The following STK32B variants were observed in gnomAD, a reference collection of about 807,000 sequenced individuals.
STK32B encodes the protein serine/threonine-protein kinase 32B.
In STK32B, 43 loss-of-function variants were observed where a neutral mutation model predicts 52.6. The ratio of observed to expected loss-of-function variants is 0.82; its 90% CI spans 0.64 to 1.05. STK32B has a LOEUF of 1.05. Ranked by LOEUF, STK32B falls within the 50% of genes least tolerant of loss-of-function variation. STK32B has a pLI of 0.00. For missense variants in STK32B, 621 were observed against 534.6 expected, an observed-to-expected ratio of 1.16 and a Z score of -1.59; for synonymous variants, 238 against 204.3, an observed-to-expected ratio of 1.17 and a Z score of -1.41.
intron 3 of STK32B, among the ~76,000 whole-genome samples, chr4:5,171,412 G>T (rs1719362028): frequency 6.6e-6 from 1 of 151,930 alleles, no homozygotes; most frequent in African/African-American, 2.4e-5. Flanking sequence ...TATTGCCTAG[G>T]TTTTCTTCTA....
At chr4:5,069,310 G>T (rs567660699) in intron 1 of STK32B, among the ~76,000 whole-genome samples, 1 of 151,966 alleles carries the variant, frequency 6.6e-6, no homozygotes, top group East Asian at 1.9e-4. Flanking sequence ...AGGTTCTTGA[G>T]GGAGTTTGAG....
intron 3 of STK32B, among the ~76,000 whole-genome samples, chr4:5,282,482 CTACTG>C (rs1210161639): frequency 6.6e-6 from 1 of 152,144 alleles, no homozygotes; most frequent in Non-Finnish European, 1.5e-5. Flanking sequence ...ATTATACAAT[CTACTG>C]TAATAGAAGT....
At chr4:5,090,931 T>C (rs1025924163) in intron 1 of STK32B, among the ~76,000 whole-genome samples, 5 of 152,200 alleles carry the variant, frequency 3.3e-5, no homozygotes, top group Non-Finnish European at 5.9e-5. Context: ...TAAGGACAAA[T>C]AGAAAATCTA....
At chr4:5,273,708 T>C in intron 3 of STK32B, among the ~76,000 whole-genome samples, 1 of 117,252 alleles carries the variant, frequency 8.5e-6, no homozygotes, top group African/African-American at 3.5e-5. Context: ...TGGATGAAAT[T>C]GGAAATCATC....
chr4:5,443,649 T>C (rs1715017900), intron 6 of STK32B, among the ~76,000 whole-genome samples: 1 of 152,242 alleles, frequency 6.6e-6, no homozygotes, highest in Non-Finnish European at 1.5e-5. Flanking sequence ...GGTGAGGAAC[T>C]GCATTCCTTT....
chr4:5,145,451 A>G (rs551065500), intron 2 of STK32B, among the ~76,000 whole-genome samples: 2 of 152,300 alleles, frequency 1.3e-5, no homozygotes, highest in South Asian at 2.1e-4. Flanking sequence ...ACCTAAACCC[A>G]TACCAAAATA....
At chr4:5,231,118 A>G (rs1280926583) in intron 3 of STK32B, among the ~76,000 whole-genome samples, 1 of 152,196 alleles carries the variant, frequency 6.6e-6, no homozygotes, top group Non-Finnish European at 1.5e-5. Flanking sequence ...GAGAAACTCC[A>G]CATCACTCTC....
chr4:5,123,033 C>T (rs1366754174), intron 1 of STK32B, among the ~76,000 whole-genome samples: 2 of 152,046 alleles, frequency 1.3e-5, no homozygotes, highest in African/African-American at 4.8e-5. Flanking sequence ...TTTCTCACTG[C>T]TGGGTCCCCT....
chr4:5,227,712 C>T (rs915483076), intron 3 of STK32B, among the ~76,000 whole-genome samples: 23 of 152,310 alleles, frequency 1.5e-4, no homozygotes, highest in Middle Eastern at 3.4e-3. Flanking sequence ...TTCTCCCCCC[C>T]TGGAGAGAAG....
the STK32B span, among the ~76,000 whole-genome samples, chr4:5,033,016 T>C: frequency 6.6e-6 from 1 of 152,060 alleles, no homozygotes; most frequent in Non-Finnish European, 1.5e-5. Context: ...GATTAAATGG[T>C]CAATATTTCC....
At chr4:5,141,214 A>G (rs1171721214) in intron 2 of STK32B, among the ~76,000 whole-genome samples, 3 of 152,360 alleles carry the variant, frequency 2.0e-5, no homozygotes, top group East Asian at 3.8e-4. Context: ...GTTATGACGC[A>G]TTTCCATATC....
chr4:5,379,849 C>T (rs1380803359), intron 4 of STK32B, among the ~76,000 whole-genome samples: 3 of 152,178 alleles, frequency 2.0e-5, no homozygotes, highest in Non-Finnish European at 2.9e-5. Flanking sequence ...GCCCCCGGTT[C>T]GTGGTGTTTT....
chr4:5,495,619 G>T (rs574140586), intron 11 of STK32B, among the ~76,000 whole-genome samples: 1 of 152,284 alleles, frequency 6.6e-6, no homozygotes, highest in South Asian at 2.1e-4. Flanking sequence ...TTGCTGGTGA[G>T]GAGCTGCATT....
chr4:5,366,549 A>G (rs114767895), intron 4 of STK32B, among the ~76,000 whole-genome samples: 2,705 of 152,306 alleles, frequency 0.018, 41 homozygotes, highest in Middle Eastern at 0.034. Flanking sequence ...TGCCAAGGCA[A>G]CACCCATGAG....
intron 7 of STK32B, 74 bp downstream of exon 7, chr4:5,446,850 G>A (rs923373708): frequency 7.4e-5 from 110 of 1,490,596 alleles, no homozygotes; most frequent in Middle Eastern, 1.8e-4. Context: ...GACGGGCAGA[G>A]TCGGCAGGGC....
chr4:5,306,336 T>G (rs1230802161), intron 3 of STK32B, among the ~76,000 whole-genome samples: 2 of 152,170 alleles, frequency 1.3e-5, no homozygotes, highest in Non-Finnish European at 2.9e-5. Flanking sequence ...CATTGCTGTC[T>G]GTATCATTTC....
rs1344696060 is a variant in STK32B at position 5,399,011 on chromosome 4, G to GA, written c.472+767_472+768insA. ...CAGCAAGCCTGGGCTCCTGTGTTCT[G>GA]GATCCTGTGTCCTGTGTTGGGATGG... is the stretch of plus-strand genomic sequence containing the variant. On this transcript the variant is annotated intron_variant, in intron 5 of 11. Coordinates refer to ENST00000282908, the MANE Select transcript of STK32B (RefSeq NM_018401.3). This position sits in a 1 kb window ranked among gnomAD's most constrained non-coding sequence, Gnocchi z 5.4. Among the ~76,000 whole-genome samples, 1 of 152,216 alleles carries GA rather than the reference G, an allele frequency of 6.6e-6. No homozygotes were observed. Among genetic ancestry groups the GA allele is most frequent in the Non-Finnish European group, 1.5e-5 (1 of 68,034 alleles).
intron 11 of STK32B, among the ~76,000 whole-genome samples, chr4:5,475,110 A>G (rs1178817434): frequency 6.6e-6 from 1 of 152,192 alleles, no homozygotes; most frequent in Non-Finnish European, 1.5e-5. Flanking sequence ...AAGACACTGC[A>G]TGGGAATTAG....
At chr4:5,217,738 AT>A (rs1723267103) in intron 3 of STK32B, among the ~76,000 whole-genome samples, 1 of 152,142 alleles carries the variant, frequency 6.6e-6, no homozygotes, top group Admixed American at 6.6e-5. Flanking sequence ...GGGGAAGAAC[AT>A]TTGTCAGAGT....
Sources: allele counts gnomAD v4.1 joint callset (sites outside exome capture counted in the v4.1 genomes callset), GRCh38; gene constraint gnomAD v4.1.1; non-coding constraint Gnocchi (gnomAD v3.1); transcripts MANE v1.5; gene names NCBI Gene and HGNC (gene_info 2026-07-23, HGNC 2026-07-21).